Variants in CABP4 observed in about 807,000 individuals in gnomAD.
The protein encoded by CABP4 is calcium-binding protein 4.
Under a neutral mutation model 30.7 loss-of-function variants are expected in CABP4, and 30 were observed. The ratio of observed to expected loss-of-function variants is 0.98; its 90% CI spans 0.73 to 1.33. The LOEUF (loss-of-function observed/expected upper bound fraction) is 1.33. CABP4 is among the 40% of genes most tolerant of loss of function. The probability of loss-of-function intolerance (pLI) is 0.00; values close to 1 mark genes in which losing one functional copy is unlikely to be tolerated. For missense variants in CABP4, 424 were observed against 395.5 expected (o/e 1.07, Z -0.61); for synonymous variants, 161 against 159.2 (o/e 1.01, Z -0.08).
At chr11:67,452,842 C>T (rs150212410), upstream of CABP4, 6,328 of 783,264 alleles carry the variant, frequency 8.1e-3, 42 homozygotes, top group Middle Eastern at 0.025. Flanking sequence ...CACCATCCCT[C>T]CCTGCGCCAT....
chr11:67,458,781 T>C lies in CABP4; in HGVS notation c.*122T>C. 8.2e-7 allele frequency: 1 copy of C among 1,216,566 alleles called. No homozygotes were observed. Among genetic ancestry groups the C allele is most frequent in the Non-Finnish European group, 1.2e-6 (1 of 843,324 alleles). 75.4% of individuals were successfully genotyped at this position (1,216,566 alleles called of 1,614,324 possible). ...GACCCAGCAGCCCCCAGACTACTTC[T>C]ATCCCTGAAAACACCTGGCCTCAAT... is the stretch of plus-strand genomic sequence containing the variant. On this transcript the variant is annotated 3_prime_UTR_variant, in exon 6 of 6. Transcript: ENST00000325656.
rs1286938410 is a variant in CABP4 at position 67,458,694 on chromosome 11, C to T, written c.*35C>T. 1 of 1,613,102 alleles carries T rather than the reference C, an allele frequency of 6.2e-7. No individual in the cohort carries two copies. The highest frequency in any genetic ancestry group is 1.7e-5 in the Admixed American group (1 of 59,996). ...AGGGAATATCTGTTGCCCCTGCGGC[C>T]CCAGACACCAGCCAGACCCAGGCTG... On this transcript the variant is annotated 3_prime_UTR_variant, in exon 6 of 6. Transcript: ENST00000325656.
intron 3 of CABP4, among the ~76,000 whole-genome samples, 173 bp from the exon 4 acceptor site, chr11:67,457,400 A>G (rs926956233): frequency 2.0e-5 from 3 of 152,148 alleles, no homozygotes; most frequent in African/African-American, 7.2e-5. Context: ...CAGCCCTGGT[A>G]CCCCAGCAGC....
intron 1 of CABP4, 99 bp downstream of exon 1, chr11:67,455,888 C>G: frequency 6.9e-7 from 1 of 1,454,310 alleles, no homozygotes; most frequent in Non-Finnish European, 9.2e-7. Context: ...CCCTCTGCCT[C>G]TTCTGCCCCA....
rs531851447 is a variant in CABP4 at position 67,458,392 on chromosome 11, C to T, written c.673C>T (p.Arg225Ter). 1.1e-5 allele frequency: 17 copies of T among 1,612,438 alleles called. No homozygotes were observed. Among genetic ancestry groups the T allele is most frequent in the Admixed American group, 5.0e-5 (3 of 59,976 alleles). ...TTAGTTTGACAGGGACAGGGATGGA[C>T]GAATTACGGTGGCGGAGCTGCGGGA... ...FREFDRDRDG[R>*]ITVAELREAV... is the part of the protein sequence containing the mutation. The change falls in exon 5 of 6, where the codon CGA becomes TGA. Residue 225 changes from arginine to a stop codon, truncating the protein, a stop_gained. Transcript: ENST00000325656. LOFTEE classifies it high-confidence loss of function.
intron 5 of CABP4, 49 bp from the exon 6 acceptor site, chr11:67,458,582 T>C: frequency 1.2e-6 from 2 of 1,614,132 alleles, no homozygotes; most frequent in East Asian, 4.5e-5. Context: ...CAGCACCTCC[T>C]GGGATCCCTG....
rs1237358902 is a variant in CABP4 at position 67,458,851 on chromosome 11, C to G, written c.*192C>G. 2 of 678,382 alleles carry G rather than the reference C, an allele frequency of 2.9e-6. No individual in the cohort carries two copies. Among genetic ancestry groups the G allele is most frequent in the African/African-American group, 3.5e-5 (2 of 56,414 alleles). The allele number at this position is 678,382 out of a possible 1,614,324, so 42.0% of individuals were successfully genotyped here. On this transcript the variant is annotated 3_prime_UTR_variant, in exon 6 of 6. Coordinates refer to ENST00000325656, the MANE Select transcript of CABP4 (RefSeq NM_145200.5). ...TGCCCACCCTCATCCTTACCTCCTC[C>G]TACTCAAGCTGCCTGGAGAAGACCT... is the stretch of plus-strand genomic sequence containing the variant.
In CABP4 at chr11:67,460,953, C is replaced by A. The variant is rs1864993112; in HGVS notation, c.*2294C>A. 6.8e-6 allele frequency among the ~76,000 whole-genome samples: 1 copy of A among 146,966 alleles called. No individual in the cohort carries two copies. The highest frequency in any genetic ancestry group is 2.1e-4 in the South Asian group (1 of 4,718). On this transcript the variant is annotated 3_prime_UTR_variant, in exon 6 of 6. Transcript: ENST00000325656. ...TGAGCCGAGATTGCACCACTGCACT[C>A]CAGCCTGGGCTACAGAGCGAGACTC... is the stretch of plus-strand genomic sequence containing the variant.
At chr11:67,452,644 G>T, upstream of CABP4, 2 of 1,613,270 alleles carry the variant, frequency 1.2e-6, no homozygotes, top group Non-Finnish European at 1.7e-6. Context: ...AGCCACCTTG[G>T]GGGTAGGAGT....
chr11:67,455,560 G>A lies in CABP4; in HGVS notation c.137G>A (p.Arg46Lys), dbSNP rs1382361265. The change falls in exon 1 of 6, where the codon AGG becomes AAG. Residue 46 changes from arginine (R) to lysine (K), a missense_variant. Coordinates refer to ENST00000325656, the MANE Select transcript of CABP4 (RefSeq NM_145200.5). ...PLTRKRSKKE[R>K]GLRGSRKRTG... ...ACCAGGAAGAGGAGCAAGAAGGAGA[G>A]GGGGCTCCGAGGGTCTCGAAAGCGC... is the stretch of plus-strand genomic sequence containing the variant. 2.5e-6 allele frequency: 4 copies of A among 1,602,490 alleles called. No individual in the cohort carries two copies. The highest frequency in any genetic ancestry group is 2.7e-5 in the African/African-American group (2 of 74,908).
intron 1 of CABP4, 176 bp from the exon 2 acceptor site, chr11:67,456,012 A>C: frequency 7.9e-7 from 1 of 1,273,318 alleles, no homozygotes; most frequent in Non-Finnish European, 1.1e-6. Context: ...TGGGAGCTCC[A>C]GGCTCTAGGA....
Position 67,458,797 on chromosome 11 carries a change from T to C in CABP4, c.*138T>C. 1.9e-6 allele frequency: 2 copies of C among 1,029,818 alleles called. No homozygotes were observed. Among genetic ancestry groups the C allele is most frequent in the Non-Finnish European group, 2.9e-6 (2 of 680,870 alleles). 63.8% of individuals were successfully genotyped at this position (1,029,818 alleles called of 1,614,324 possible). A position where few individuals can be genotyped will look rare whatever the true frequency, so the allele number is the denominator to read the frequency against. On this transcript the variant is annotated 3_prime_UTR_variant, in exon 6 of 6. Coordinates refer to ENST00000325656, the MANE Select transcript of CABP4 (RefSeq NM_145200.5). ...GACTACTTCTATCCCTGAAAACACCTGGCCTCAATGTTGGCTTGTTATGTT... is the reference window on the plus strand; with the variant it reads ...GACTACTTCTATCCCTGAAAACACCCGGCCTCAATGTTGGCTTGTTATGTT...
chr11:67,457,735 G>A (rs1253102353), intron 4 of CABP4, 53 bp downstream of exon 4: 6 of 1,424,322 alleles, frequency 4.2e-6, no homozygotes, highest in Non-Finnish European at 4.8e-6. Context: ...TGGCATCCTT[G>A]CTGGCCTCTC....
At chr11:67,456,048 G>A in intron 1 of CABP4, 140 bp from the exon 2 acceptor site, 1 of 1,510,816 alleles carries the variant, frequency 6.6e-7, no homozygotes, top group Non-Finnish European at 9.1e-7. Context: ...TGCTCCTCCT[G>A]GGTCCCACGA....
chr11:67,453,837 G>C (rs1345437273), upstream of CABP4, among the ~76,000 whole-genome samples: 1 of 152,100 alleles, frequency 6.6e-6, no homozygotes, highest in African/African-American at 2.4e-5. Flanking sequence ...TGGGGTTCGA[G>C]TGTTTAGGAT....
intron 1 of CABP4, 35 bp downstream of exon 1, chr11:67,455,824 G>A (rs1864765073): frequency 1.3e-6 from 2 of 1,550,316 alleles, no homozygotes; most frequent in Non-Finnish European, 1.7e-6. Flanking sequence ...GGGGGTCCTG[G>A]GGGTGGGGCT....
intron 1 of CABP4, 158 bp from the exon 2 acceptor site, chr11:67,456,030 A>C: frequency 7.2e-7 from 1 of 1,389,494 alleles, no homozygotes; most frequent in East Asian, 2.4e-5. Flanking sequence ...GGAGCACAAA[A>C]GGGAGCTTGC....
upstream of CABP4, among the ~76,000 whole-genome samples, chr11:67,454,049 G>A (rs867082181): frequency 3.9e-5 from 6 of 152,108 alleles, no homozygotes; most frequent in African/African-American, 1.4e-4. Flanking sequence ...CCACCCCACC[G>A]CGGCCCTCTC....
At chr11:67,455,237 T>C (rs989433846), upstream of CABP4, 21 of 742,626 alleles carry the variant, frequency 2.8e-5, 1 homozygote, top group African/African-American at 3.7e-4. Context: ...GGCTCTGCCC[T>C]GGCCAGCCCT....
Sources: allele counts gnomAD v4.1 joint callset (sites outside exome capture counted in the v4.1 genomes callset), GRCh38; gene constraint gnomAD v4.1.1; transcripts MANE v1.5; gene names NCBI Gene and HGNC (gene_info 2026-07-23, HGNC 2026-07-21).